Variants in DAB1 observed in about 807,000 individuals in gnomAD.
DAB1 encodes the protein DAB adaptor protein 1.
DAB1 carries 15 observed loss-of-function variants against 64.6 expected under a neutral mutation model. The ratio of observed to expected loss-of-function variants is 0.23; its 90% CI spans 0.16 to 0.36. The LOEUF (loss-of-function observed/expected upper bound fraction) is 0.36, where lower values mean the gene tolerates loss of function less well. Among genes scored for constraint, DAB1 ranks in the 10% least tolerant of loss-of-function variants. The pLI, the probability that DAB1 is intolerant of heterozygous loss-of-function variation, is 1.00. For synonymous variants in DAB1, 235 were observed against 251.9 expected, an observed-to-expected ratio of 0.93 and a Z score of 0.64; for missense variants, 596 against 706.7, an observed-to-expected ratio of 0.84 and a Z score of 1.78.
At chr1:57,207,555 T>C (rs931327793) in intron 2 of DAB1, among the ~76,000 whole-genome samples, 8 of 143,666 alleles carry the variant, frequency 5.6e-5, no homozygotes, top group Non-Finnish European at 7.6e-5. Flanking sequence ...GCCATTCTCC[T>C]GCCTCAGCCT....
chr1:57,119,237 T>C lies in DAB1; in HGVS notation c.306+17306A>G, dbSNP rs139724284. 4.2e-3 allele frequency among the ~76,000 whole-genome samples: 640 copies of C among 152,330 alleles called. 4 individuals are homozygous for C. Among genetic ancestry groups the C allele is most frequent in the Admixed American group, 9.7e-3 (148 of 15,296 alleles). Reference sequence around the variant, plus strand: ...GCAAGATTTATGGCATTCCTTTATTTGAGTTGATTCCAATGTGTCAGCAGA... The same window carrying C: ...GCAAGATTTATGGCATTCCTTTATTCGAGTTGATTCCAATGTGTCAGCAGA... On this transcript the variant is annotated intron_variant, in intron 4 of 14. Transcript: ENST00000371236.
chr1:57,850,175 C>T (rs1451659941), intron 1 of DAB1, among the ~76,000 whole-genome samples: 1 of 152,150 alleles, frequency 6.6e-6, no homozygotes, highest in Non-Finnish European at 1.5e-5. Flanking sequence ...ACAGCAGAAA[C>T]CTTTAATGGA....
chr1:57,353,743 G>A (rs1480609453), intron 1 of DAB1, among the ~76,000 whole-genome samples: 1 of 152,094 alleles, frequency 6.6e-6, no homozygotes, highest in Non-Finnish European at 1.5e-5. Flanking sequence ...TTTTGCTACA[G>A]CTCCCTGCTC....
At chr1:57,499,842 G>T (rs1644270436) in intron 7 of DAB1, among the ~76,000 whole-genome samples, 1 of 152,110 alleles carries the variant, frequency 6.6e-6, no homozygotes, top group South Asian at 2.1e-4. Flanking sequence ...GGTCAATTTT[G>T]TTCACGTCCA....
intron 2 of DAB1, among the ~76,000 whole-genome samples, chr1:57,212,359 CTTTTTTTTTTT>C (rs57653531): frequency 6.9e-4 from 57 of 82,188 alleles, no homozygotes; most frequent in African/African-American, 2.7e-3. Flanking sequence ...ATATTATTTC[CTTTTTTTTTTT>C]TTTTTTTTTT....
At chr1:57,432,149 C>T (rs1685541959) in intron 7 of DAB1, among the ~76,000 whole-genome samples, 1 of 151,602 alleles carries the variant, frequency 6.6e-6, no homozygotes, top group East Asian at 1.9e-4. Flanking sequence ...ATTTCCAATG[C>T]TTACAGAGTA....
chr1:58,433,567 A>AAG lies in DAB1; in HGVS notation n.257+72491_257+72492dup, dbSNP rs67547933. 6.0e-3 allele frequency among the ~76,000 whole-genome samples: 686 copies of AAG among 114,432 alleles called. 11 individuals carry two copies. Among genetic ancestry groups the AAG allele is most frequent in the East Asian group, 0.058 (230 of 3,940 alleles). 75.1% of individuals were successfully genotyped at this position (114,432 alleles called of 152,430 possible). On this transcript the variant is annotated intron_variant and non_coding_transcript_variant, in intron 3 of 20. Coordinates refer to the DAB1 transcript ENST00000485760. ...CTGAAGGGCAAGAGAGTCCATGCAT[A>AAG]AGAGAGAGAGAGAGAGAGAGAGAGA...
At chr1:58,036,760 CAT>C (rs1401743953) in intron 5 of DAB1, among the ~76,000 whole-genome samples, 2 of 152,054 alleles carry the variant, frequency 1.3e-5, no homozygotes, top group South Asian at 2.1e-4. Flanking sequence ...AGAGGCCAGA[CAT>C]GTGGAGACTT....
At chr1:58,328,504 T>C (rs1662892694) in intron 4 of DAB1, among the ~76,000 whole-genome samples, 1 of 152,206 alleles carries the variant, frequency 6.6e-6, no homozygotes, top group East Asian at 1.9e-4. Context: ...TCCCAGGCCC[T>C]TTGCCGCAGC....
At chr1:57,432,980 TATA>T (rs1366488753) in intron 7 of DAB1, among the ~76,000 whole-genome samples, 1 of 152,192 alleles carries the variant, frequency 6.6e-6, no homozygotes, top group Non-Finnish European at 1.5e-5. Flanking sequence ...AAATATCATT[TATA>T]ATAACACAGA....
intron 7 of DAB1, among the ~76,000 whole-genome samples, chr1:57,461,664 T>G (rs1158602077): frequency 6.6e-6 from 1 of 152,200 alleles, no homozygotes; most frequent in Non-Finnish European, 1.5e-5. Flanking sequence ...ATTTGTCTTG[T>G]TACCTCTTAC....
intron 1 of DAB1, among the ~76,000 whole-genome samples, chr1:57,393,938 T>A (rs949080133): frequency 2.0e-5 from 3 of 152,102 alleles, no homozygotes; most frequent in African/African-American, 7.2e-5. Context: ...GCAAGATAGG[T>A]GGCCCACATA....
At chr1:57,403,422 CT>C (rs1389392645) in intron 1 of DAB1, among the ~76,000 whole-genome samples, 12 of 152,184 alleles carry the variant, frequency 7.9e-5, no homozygotes, top group Non-Finnish European at 1.5e-4. Context: ...CTAGCCATAG[CT>C]GCAACTAGGC....
chr1:57,859,477 T>C (rs574590708), intron 1 of DAB1, among the ~76,000 whole-genome samples: 2 of 152,278 alleles, frequency 1.3e-5, no homozygotes, highest in South Asian at 4.1e-4. Flanking sequence ...CAAAAATAAA[T>C]CATAATATGC....
chr1:58,260,442 C>A (rs1016039834), intron 4 of DAB1, among the ~76,000 whole-genome samples: 6 of 152,148 alleles, frequency 3.9e-5, no homozygotes, highest in African/African-American at 1.4e-4. Context: ...CCTCTTCTCC[C>A]AGCCATAGGC....
At chr1:57,119,453 C>T (rs560168222) in intron 4 of DAB1, among the ~76,000 whole-genome samples, 2 of 152,122 alleles carry the variant, frequency 1.3e-5, no homozygotes, top group African/African-American at 2.4e-5. Context: ...TATTACAGAC[C>T]ACTTTATCAA....
intron 4 of DAB1, among the ~76,000 whole-genome samples, chr1:58,237,054 C>T (rs1660075561): frequency 7.8e-6 from 1 of 128,176 alleles, no homozygotes; most frequent in Admixed American, 7.5e-5. Context: ...ATAAAAAATG[C>T]TTATGCTGTT....
chr1:58,159,571 C>T (rs1655409752), intron 4 of DAB1, among the ~76,000 whole-genome samples: 1 of 152,170 alleles, frequency 6.6e-6, no homozygotes, highest in Non-Finnish European at 1.5e-5. Flanking sequence ...CCACGCTGTA[C>T]ACTCAACATT....
intron 5 of DAB1, among the ~76,000 whole-genome samples, chr1:57,974,851 C>CAT (rs1645882677): frequency 6.6e-6 from 1 of 151,872 alleles, no homozygotes; most frequent in African/African-American, 2.4e-5. Flanking sequence ...TATAGTAATC[C>CAT]ATATATATAG....
Sources: allele counts gnomAD v4.1 joint callset (sites outside exome capture counted in the v4.1 genomes callset), GRCh38; gene constraint gnomAD v4.1.1; transcripts MANE v1.5; gene names NCBI Gene and HGNC (gene_info 2026-07-23, HGNC 2026-07-21).